Variants in WBP2NL observed in about 807,000 individuals in gnomAD.
WBP2NL encodes the protein postacrosomal sheath WW domain-binding protein.
Under a neutral mutation model 23.3 loss-of-function variants are expected in WBP2NL, and 27 were observed. The observed-to-expected ratio is 1.16, with a 90% CI of 0.85 to 1.60. WBP2NL has a LOEUF of 1.60. WBP2NL is among the 40% of genes most tolerant of loss of function. The pLI is 0.00. For synonymous variants in WBP2NL, 151 were observed against 145.9 expected, an observed-to-expected ratio of 1.03 and a Z score of -0.25; for missense variants, 370 against 389.5, an observed-to-expected ratio of 0.95 and a Z score of 0.42.
chr22:42,049,336 T>C (rs1030006391), intron 8 of WBP2NL, among the ~76,000 whole-genome samples: 2 of 152,124 alleles, frequency 1.3e-5, no homozygotes, highest in African/African-American at 4.8e-5. Context: ...TTTACACTTT[T>C]CATAAAAATT....
intron 8 of WBP2NL, among the ~76,000 whole-genome samples, chr22:42,046,632 T>C (rs1925598429): frequency 6.6e-6 from 1 of 152,230 alleles, no homozygotes; most frequent in Non-Finnish European, 1.5e-5. Flanking sequence ...CATTTCTATT[T>C]AGCTGATTGG....
chr22:42,030,294 G>A (rs753059871), downstream of WBP2NL, among the ~76,000 whole-genome samples: 52 of 152,332 alleles, frequency 3.4e-4, no homozygotes, highest in Non-Finnish European at 2.2e-4. Context: ...TCAGGTATCT[G>A]GAGTATGCTA....
At chr22:42,040,241 T>C (rs1413857318) in intron 8 of WBP2NL, among the ~76,000 whole-genome samples, 1 of 150,482 alleles carries the variant, frequency 6.6e-6, no homozygotes, top group Non-Finnish European at 1.5e-5. Flanking sequence ...TTTTTTTTTT[T>C]AGACAGAGTC....
Position 42,026,797 on chromosome 22 carries a change from T to C in WBP2NL, c.546T>C (p.Tyr182=), listed in dbSNP as rs200276166. 1.2e-6 allele frequency: 2 copies of C among 1,614,000 alleles called. No homozygotes were observed. Among genetic ancestry groups the C allele is most frequent in the South Asian group, 2.2e-5 (2 of 91,058 alleles). ...VIVYGAPPAG[Y]GAPPPGYGAP... ...TCTATGGAGCCCCACCTGCAGGATA[T>C]GGAGCCCCACCTCCCGGATACGGAG... The change falls in exon 6 of 6, where the codon TAT becomes TAC. Residue 182 remains tyrosine, a synonymous_variant. Transcript: ENST00000328823.
At chr22:42,046,615 T>C (rs926841333) in intron 8 of WBP2NL, among the ~76,000 whole-genome samples, 1 of 152,250 alleles carries the variant, frequency 6.6e-6, no homozygotes, top group Admixed American at 6.5e-5. Context: ...ACATCTTCAA[T>C]CTTAAACATT....
intron 8 of WBP2NL, among the ~76,000 whole-genome samples, chr22:42,057,987 G>C (rs1926152063): frequency 7.8e-6 from 1 of 127,798 alleles, no homozygotes; most frequent in Admixed American, 9.3e-5. Flanking sequence ...TGCCATCTCG[G>C]CTCACTGCAA....
downstream of WBP2NL, among the ~76,000 whole-genome samples, chr22:42,033,628 G>A (rs1192416651): frequency 6.6e-6 from 1 of 152,230 alleles, no homozygotes; most frequent in African/African-American, 2.4e-5. Flanking sequence ...GCTCCTATCT[G>A]CAGGCAGGTC....
At chr22:42,002,471 C>T (rs113015512) in intron 1 of WBP2NL, among the ~76,000 whole-genome samples, 7,617 of 152,104 alleles carry the variant, frequency 0.05, 622 homozygotes, top group African/African-American at 0.17. Flanking sequence ...GTAATCCCAG[C>T]GACTCAGGAG....
At chr22:42,045,087 T>A (rs28715885) in intron 8 of WBP2NL, among the ~76,000 whole-genome samples, 2 of 152,022 alleles carry the variant, frequency 1.3e-5, no homozygotes, top group Admixed American at 6.6e-5. Context: ...TGTCTCAGTC[T>A]CCCAAAGCAC....
At chr22:42,033,518 G>T (rs192422937), downstream of WBP2NL, among the ~76,000 whole-genome samples, 761 of 152,276 alleles carry the variant, frequency 5.0e-3, 3 homozygotes, top group Non-Finnish European at 7.5e-3. Context: ...ACAAGTAGAG[G>T]GTGAGCAATG....
At chr22:42,029,567 T>C (rs1924799997), downstream of WBP2NL, among the ~76,000 whole-genome samples, 1 of 152,150 alleles carries the variant, frequency 6.6e-6, no homozygotes, top group Non-Finnish European at 1.5e-5. Context: ...AGATGGGGTC[T>C]GGCCATGTTG....
chr22:42,026,791 A>AGGATATGGAGCCCCACCTCCC lies in WBP2NL; in HGVS notation c.546_566dup (p.Pro187_Pro193dup). The AGGATATGGAGCCCCACCTCCC allele has an allele frequency of 1.2e-6, 2 of 1,613,144 alleles. No homozygotes were observed. Among genetic ancestry groups the AGGATATGGAGCCCCACCTCCC allele is most frequent in the Non-Finnish European group, 1.7e-6 (2 of 1,179,632 alleles). ...TTATTGTCTATGGAGCCCCACCTGC[A>AGGATATGGAGCCCCACCTCCC]GGATATGGAGCCCCACCTCCCGGAT... On this transcript the variant is annotated inframe_insertion, in exon 6 of 6. Coordinates refer to ENST00000328823, the MANE Select transcript of WBP2NL (RefSeq NM_152613.3).
intron 5 of WBP2NL, among the ~76,000 whole-genome samples, chr22:42,025,793 T>TG (rs1717826862): frequency 6.6e-6 from 1 of 152,222 alleles, no homozygotes; most frequent in Admixed American, 6.5e-5. Context: ...TAAATCACTT[T>TG]GGGGAATGTA....
chr22:42,005,714 A>C (rs1290893571), intron 1 of WBP2NL, among the ~76,000 whole-genome samples: 2 of 152,238 alleles, frequency 1.3e-5, no homozygotes, highest in African/African-American at 4.8e-5. Flanking sequence ...ATTCAATGGG[A>C]GCCAAAAGTG....
At chr22:42,007,828 T>C (rs978654834) in intron 1 of WBP2NL, among the ~76,000 whole-genome samples, 1 of 139,482 alleles carries the variant, frequency 7.2e-6, no homozygotes, top group African/African-American at 2.5e-5. Flanking sequence ...TGCTTCCACC[T>C]CCTGGTTATT....
intron 1 of WBP2NL, among the ~76,000 whole-genome samples, chr22:42,013,454 G>C (rs916739018): frequency 6.6e-6 from 1 of 151,956 alleles, no homozygotes; most frequent in African/African-American, 2.4e-5. Flanking sequence ...CCTTGTGCGT[G>C]ATGAGTCACT....
intron 5 of WBP2NL, among the ~76,000 whole-genome samples, chr22:42,025,189 G>A (rs540436797): frequency 3.9e-5 from 6 of 152,114 alleles, no homozygotes; most frequent in African/African-American, 1.2e-4. Context: ...GTGAGAATTC[G>A]TTGCCAAATC....
At chr22:42,002,696 A>T (rs1226698269) in intron 1 of WBP2NL, 1 of 152,200 alleles carries the variant, frequency 6.6e-6, no homozygotes, top group East Asian at 1.9e-4. Flanking sequence ...CTTAAAGCGC[A>T]TGTGGGAGAG....
chr22:42,043,303 A>G (rs993149967), intron 8 of WBP2NL, among the ~76,000 whole-genome samples: 1 of 152,172 alleles, frequency 6.6e-6, no homozygotes, highest in African/African-American at 2.4e-5. Flanking sequence ...AGTGGCTGCA[A>G]GGGCTGTTGA....
Sources: gnomAD v4.1 joint callset for allele counts (sites outside exome capture counted in the v4.1 genomes callset) on GRCh38, gnomAD v4.1.1 for gene constraint, MANE v1.5 for transcripts, NCBI Gene and HGNC (gene_info 2026-07-23, HGNC 2026-07-21) for gene names.